Variants in ATXN2 observed in about 807,000 individuals in gnomAD.
ATXN2 encodes the protein ataxin 2, also known as ataxin-2.
ATXN2 carries 37 observed loss-of-function variants against 138.6 expected under a neutral mutation model. The observed-to-expected ratio is 0.27, with a 90% CI of 0.21 to 0.35. The LOEUF (loss-of-function observed/expected upper bound fraction) is 0.35. Ranked by LOEUF, ATXN2 falls within the 10% of genes least tolerant of loss-of-function variation. The pLI is 1.00. For synonymous variants in ATXN2, 549 were observed against 543.7 expected (o/e 1.01, Z -0.13); for missense variants, 1,216 against 1,480.3 (o/e 0.82, Z 2.93).
intron 1 of ATXN2, among the ~76,000 whole-genome samples, chr12:111,584,023 T>A (rs905329616): frequency 6.6e-6 from 1 of 151,880 alleles, no homozygotes; most frequent in African/African-American, 2.4e-5. Flanking sequence ...TCTCAATCCT[T>A]TTACTGCGTT....
At chr12:111,589,018 A>AAAAAAAAAAAC (rs1566084089) in intron 1 of ATXN2, among the ~76,000 whole-genome samples, 2 of 138,922 alleles carry the variant, frequency 1.4e-5, no homozygotes, top group Non-Finnish European at 3.0e-5. Context: ...AAAAAAAAAA[A>AAAAAAAAAAAC]AAAAAACTAA....
intron 1 of ATXN2, among the ~76,000 whole-genome samples, chr12:111,572,011 C>CAAAAA (rs10632970): frequency 7.8e-5 from 7 of 89,712 alleles, no homozygotes; most frequent in Non-Finnish European, 1.4e-4. Context: ...GACTCTGTCT[C>CAAAAA]AAAAAAAAAA....
At chr12:111,467,307 CTTTTTTTTTTTTTTTT>C (rs61507608) in intron 20 of ATXN2, among the ~76,000 whole-genome samples, 1 of 34,846 alleles carries the variant, frequency 2.9e-5, no homozygotes, top group African/African-American at 1.5e-4. Flanking sequence ...CATGACTGGG[CTTTTTTTTTTTTTTTT>C]TTTTTTTTTT....
intron 5 of ATXN2, among the ~76,000 whole-genome samples, chr12:111,547,777 T>TTA (rs1881886404): frequency 1.1e-5 from 1 of 88,986 alleles, no homozygotes. Context: ...AGCCAAAGAT[T>TTA]AAAAAAAAAA....
At chr12:111,483,194 TACACAC>T (rs59840296) in intron 18 of ATXN2, among the ~76,000 whole-genome samples, 107 of 95,428 alleles carry the variant, frequency 1.1e-3, no homozygotes, top group Non-Finnish European at 1.5e-3. Context: ...ATCAAACACA[TACACAC>T]ACACACACAC....
intron 1 of ATXN2, among the ~76,000 whole-genome samples, chr12:111,586,809 C>T (rs1393845704): frequency 2.0e-5 from 3 of 152,088 alleles, no homozygotes; most frequent in Non-Finnish European, 4.4e-5. Context: ...GCGTGAGCCA[C>T]CGCACCCAGC....
chr12:111,539,737 A>G (rs1446966539), intron 5 of ATXN2, among the ~76,000 whole-genome samples: 2 of 150,186 alleles, frequency 1.3e-5, no homozygotes, highest in Non-Finnish European at 3.0e-5. Flanking sequence ...CAACAGAGCA[A>G]GACTCTGTCT....
At chr12:111,533,512 A>T (rs899145238) in intron 5 of ATXN2, among the ~76,000 whole-genome samples, 10 of 148,176 alleles carry the variant, frequency 6.7e-5, no homozygotes, top group African/African-American at 2.5e-4. Context: ...TTCCCATATA[A>T]TTTTTTTTTT....
rs1168311169 is a variant in ATXN2, at chr12:111,513,532, T to C, written c.1383A>G (p.Pro461=). Residue 461 remains proline, a synonymous_variant, in exon 11 of 25, where the codon CCA becomes CCG. Transcript: ENST00000673436. The part of the protein sequence containing the change: ...MPKRMSSEGP[P]RMSPKAQRHP... ...GTCGCTGGGCCTTTGGGGACATCCTTGGAGGCCCTAAGGAAGAAACAGTGA... is the reference window on the plus strand; with the variant it reads ...GTCGCTGGGCCTTTGGGGACATCCTCGGAGGCCCTAAGGAAGAAACAGTGA... The C allele has an allele frequency of 1.9e-6, 3 of 1,611,694 alleles. No homozygotes were observed.
chr12:111,485,224 G>A, intron 18 of ATXN2, 41 bp downstream of exon 18: 2 of 1,550,748 alleles, frequency 1.3e-6, no homozygotes, highest in Non-Finnish European at 8.8e-7. Context: ...AATTCATGCA[G>A]CATGCAAACT....
intron 14 of ATXN2, among the ~76,000 whole-genome samples, chr12:111,505,709 G>A (rs1233300091): frequency 2.6e-5 from 4 of 152,234 alleles, no homozygotes; most frequent in Non-Finnish European, 5.9e-5. Flanking sequence ...TAGCAAGGAT[G>A]TGGAGAAACA....
At chr12:111,539,650 G>A (rs899299008) in intron 5 of ATXN2, among the ~76,000 whole-genome samples, 1 of 149,776 alleles carries the variant, frequency 6.7e-6, no homozygotes, top group African/African-American at 2.4e-5. Context: ...GGGAGGCTGA[G>A]GCAGGAGAAA....
chr12:111,574,806 T>C (rs1051458924), intron 1 of ATXN2, among the ~76,000 whole-genome samples: 1 of 152,218 alleles, frequency 6.6e-6, no homozygotes, highest in Non-Finnish European at 1.5e-5. Flanking sequence ...AAGTTCCTGG[T>C]TGATTAAAAG....
At chr12:111,530,483 A>G (rs1244618476) in intron 5 of ATXN2, among the ~76,000 whole-genome samples, 1 of 152,194 alleles carries the variant, frequency 6.6e-6, no homozygotes. Context: ...AAGAAAGGGG[A>G]AGTAAAATGG....
intron 8 of ATXN2, among the ~76,000 whole-genome samples, chr12:111,518,910 G>A (rs1300324424): frequency 6.6e-6 from 1 of 152,068 alleles, no homozygotes; most frequent in Non-Finnish European, 1.5e-5. Context: ...TAAGCTGACT[G>A]CCTTTAAGAG....
intron 5 of ATXN2, among the ~76,000 whole-genome samples, chr12:111,545,803 T>C (rs1260788240): frequency 2.0e-5 from 3 of 151,702 alleles, no homozygotes; most frequent in African/African-American, 7.3e-5. Flanking sequence ...ACAAAAAATA[T>C]AAATATAAAA....
At chr12:111,480,887 T>C (rs1157241801) in intron 18 of ATXN2, among the ~76,000 whole-genome samples, 9 of 152,182 alleles carry the variant, frequency 5.9e-5, no homozygotes, top group Admixed American at 2.0e-4. Flanking sequence ...CTCTGTGGCC[T>C]TGAGTTAGGC....
At chr12:111,479,390 T>TA (rs33967202) in intron 18 of ATXN2, among the ~76,000 whole-genome samples, 11,974 of 49,764 alleles carry the variant, frequency 0.24, 2,189 homozygotes, top group East Asian at 0.85. Flanking sequence ...CCGTCTCTGC[T>TA]AAAAAAAAAA....
chr12:111,479,847 CCATTT>C lies in ATXN2; in HGVS notation c.2524+5413_2524+5417del, dbSNP rs886375827. Among the ~76,000 whole-genome samples the C allele has an allele frequency of 1.1e-3, 138 of 129,138 alleles. 1 individual carries two copies. The highest frequency in any genetic ancestry group is 1.7e-4 in the Non-Finnish European group (11 of 65,732). 84.7% of individuals were successfully genotyped at this position (129,138 alleles called of 152,430 possible). A position where few individuals can be genotyped will look rare whatever the true frequency, so the allele number is the denominator to read the frequency against. ...CACCTCTGTTACACGCTGTTTGATT[CCATTT>C]ATTAAAAAAAAAAAAAAAATCTAGG... is the stretch of plus-strand genomic sequence containing the variant. On this transcript the variant is annotated intron_variant, in intron 18 of 24. Transcript: ENST00000673436.
Sources: gnomAD v4.1 joint callset for allele counts (sites outside exome capture counted in the v4.1 genomes callset) on GRCh38, gnomAD v4.1.1 for gene constraint, MANE v1.5 for transcripts, NCBI Gene and HGNC (gene_info 2026-07-23, HGNC 2026-07-21) for gene names.